Variants in DYRK1A observed in about 807,000 individuals in gnomAD.
DYRK1A encodes the protein dual specificity tyrosine-phosphorylation-regulated kinase 1A.
Under a neutral mutation model 79.7 loss-of-function variants are expected in DYRK1A, and 9 were observed. The ratio of observed to expected loss-of-function variants is 0.11; its 90% CI spans 0.07 to 0.20. The LOEUF is 0.20. Ranked by LOEUF, DYRK1A falls within the 10% of genes least tolerant of loss-of-function variation. The probability of loss-of-function intolerance (pLI) is 1.00; values close to 1 mark genes in which losing one functional copy is unlikely to be tolerated. For missense variants in DYRK1A, 622 were observed against 956.0 expected, an observed-to-expected ratio of 0.65 and a Z score of 4.61; for synonymous variants, 349 against 329.7, an observed-to-expected ratio of 1.06 and a Z score of -0.63.
At chr21:37,370,630 A>G (rs1018845022) in intron 1 of DYRK1A, among the ~76,000 whole-genome samples, 1 of 152,136 alleles carries the variant, frequency 6.6e-6, no homozygotes, top group African/African-American at 2.4e-5. Flanking sequence ...ACTTATCTAA[A>G]CCCAGCAAAA....
intron 1 of DYRK1A, among the ~76,000 whole-genome samples, chr21:37,404,151 A>G (rs1226842232): frequency 6.6e-6 from 1 of 152,202 alleles, no homozygotes; most frequent in Non-Finnish European, 1.5e-5. Flanking sequence ...GTATATATGT[A>G]TGTATCCATA....
chr21:37,396,583 C>T lies in DYRK1A; in HGVS notation c.-76-23716C>T, dbSNP rs570780064. Among the ~76,000 whole-genome samples, 28 of 151,320 alleles carry T rather than the reference C, an allele frequency of 1.9e-4. No individual in the cohort carries two copies. In the South Asian group the frequency reaches 5.0e-3, roughly 27 times the overall value. The stretch of plus-strand genomic sequence containing the variant: ...TATGATTTTAGAATCTAGTCCGTAG[C>T]GTAATATTGAGGGAAAAGTGAACTA... On this transcript the variant is annotated intron_variant, in intron 1 of 11. Coordinates refer to ENST00000647188, the MANE Select transcript of DYRK1A (RefSeq NM_001347721.2).
At chr21:37,403,659 ATATATGTGTGTG>A (rs1263025025) in intron 1 of DYRK1A, among the ~76,000 whole-genome samples, 108 of 125,354 alleles carry the variant, frequency 8.6e-4, no homozygotes, top group African/African-American at 2.5e-3. Flanking sequence ...ATATATATAT[ATATATGTGTGTG>A]TGTGTGTGTG....
At chr21:37,416,139 A>T (rs2148420591) in intron 1 of DYRK1A, among the ~76,000 whole-genome samples, 1 of 152,246 alleles carries the variant, frequency 6.6e-6, no homozygotes, top group East Asian at 1.9e-4. Context: ...GATGAAATGG[A>T]AGTAACACTA....
intron 2 of DYRK1A, among the ~76,000 whole-genome samples, chr21:37,439,525 ACTAC>A (rs1472664782): frequency 6.6e-6 from 1 of 152,196 alleles, no homozygotes; most frequent in East Asian, 1.9e-4. Flanking sequence ...GGTGCCGAGC[ACTAC>A]CACCTGAGCT....
chr21:37,403,663 A>G (rs8131655), intron 1 of DYRK1A, among the ~76,000 whole-genome samples: 18,820 of 120,288 alleles, frequency 0.16, 1,470 homozygotes, highest in Middle Eastern at 0.19. Context: ...ATATATATAT[A>G]TGTGTGTGTG....
chr21:37,476,244 C>T (rs62222285), intron 3 of DYRK1A, among the ~76,000 whole-genome samples: 67,054 of 151,960 alleles, frequency 0.44, 15,594 homozygotes, highest in East Asian at 0.57. Flanking sequence ...TCTGGTTTCG[C>T]GTGTGTAAAA....
intron 2 of DYRK1A, among the ~76,000 whole-genome samples, chr21:37,468,397 G>A (rs1321963786): frequency 6.6e-6 from 1 of 152,062 alleles, no homozygotes; most frequent in Non-Finnish European, 1.5e-5. Context: ...ATGAGCCCCT[G>A]CGCCTGGCCT....
intron 2 of DYRK1A, among the ~76,000 whole-genome samples, chr21:37,452,660 G>A (rs943507157): frequency 6.6e-5 from 10 of 151,944 alleles, no homozygotes; most frequent in Non-Finnish European, 1.3e-4. Flanking sequence ...GGGAGGGGAA[G>A]GGAAGGGGAG....
chr21:37,408,570 AT>A (rs1050548852), intron 1 of DYRK1A, among the ~76,000 whole-genome samples: 2 of 152,062 alleles, frequency 1.3e-5, no homozygotes, highest in Non-Finnish European at 2.9e-5. Context: ...AATTATATAA[AT>A]TTTTTTTAGC....
chr21:37,462,894 T>C (rs896386345), intron 2 of DYRK1A, among the ~76,000 whole-genome samples: 9 of 152,206 alleles, frequency 5.9e-5, no homozygotes, highest in African/African-American at 2.2e-4. Flanking sequence ...TTATTTCGTA[T>C]GTTTTGACTA....
At chr21:37,383,833 G>T (rs1409988363) in intron 1 of DYRK1A, among the ~76,000 whole-genome samples, 1 of 110,138 alleles carries the variant, frequency 9.1e-6, no homozygotes, top group Non-Finnish European at 1.8e-5. Context: ...ATAGGTAATG[G>T]TGTATGTGTG....
intron 2 of DYRK1A, among the ~76,000 whole-genome samples, chr21:37,453,938 T>C (rs1206422413): frequency 3.3e-5 from 5 of 152,146 alleles, no homozygotes; most frequent in African/African-American, 1.2e-4. Context: ...ATCTGATTTT[T>C]AGCATTATTA....
At chr21:37,390,790 G>A (rs903070565) in intron 1 of DYRK1A, among the ~76,000 whole-genome samples, 3 of 151,954 alleles carry the variant, frequency 2.0e-5, no homozygotes, top group Non-Finnish European at 4.4e-5. Flanking sequence ...GGCTGGTTTC[G>A]AACTCCTGAG....
At chr21:37,451,377 C>T (rs1190907908) in intron 2 of DYRK1A, among the ~76,000 whole-genome samples, 1 of 144,540 alleles carries the variant, frequency 6.9e-6, no homozygotes. Flanking sequence ...TCCCTCCATC[C>T]CTCCCCCACC....
At chr21:37,504,873 G>A (rs560743432) in intron 9 of DYRK1A, 2 of 160,572 alleles carry the variant, frequency 1.2e-5, no homozygotes, top group South Asian at 3.5e-4. Context: ...CCCAGCCAGG[G>A]TGAGCAGGGG....
chr21:37,430,596 T>C (rs965392713), intron 2 of DYRK1A, among the ~76,000 whole-genome samples: 1 of 152,192 alleles, frequency 6.6e-6, no homozygotes, highest in Non-Finnish European at 1.5e-5. Flanking sequence ...ACTTGGTGTT[T>C]GTGGGTGAGG....
intron 2 of DYRK1A, among the ~76,000 whole-genome samples, chr21:37,467,940 G>A (rs1222020329): frequency 2.0e-5 from 3 of 152,110 alleles, no homozygotes; most frequent in Non-Finnish European, 4.4e-5. Context: ...AGCCACATGT[G>A]GCTATTTGCT....
At chr21:37,409,561 C>T (rs1018805888) in intron 1 of DYRK1A, among the ~76,000 whole-genome samples, 9 of 151,798 alleles carry the variant, frequency 5.9e-5, no homozygotes, top group Admixed American at 5.9e-4. Context: ...CATTGTGGCC[C>T]CTAGTTACAG....
Sources: allele counts gnomAD v4.1 joint callset (sites outside exome capture counted in the v4.1 genomes callset), GRCh38; gene constraint gnomAD v4.1.1; transcripts MANE v1.5; gene names NCBI Gene and HGNC (gene_info 2026-07-23, HGNC 2026-07-21).